FAF1: variants seen among roughly 807,000 people sequenced by gnomAD.
The protein encoded by FAF1 is Fas associated factor 1.
Under a neutral mutation model 92.5 loss-of-function variants are expected in FAF1, and 25 were observed. The observed-to-expected ratio is 0.27, with a 90% confidence interval of 0.20 to 0.38. The LOEUF (loss-of-function observed/expected upper bound fraction) is 0.38. Among genes scored for constraint, FAF1 ranks in the 10% least tolerant of loss-of-function variants. FAF1 has a pLI of 1.00. For missense variants in FAF1, 636 were observed against 793.3 expected, an observed-to-expected ratio of 0.80 and a Z score of 2.38; for synonymous variants, 234 against 273.2, an observed-to-expected ratio of 0.86 and a Z score of 1.42.
intron 1 of FAF1, among the ~76,000 whole-genome samples, chr1:50,931,353 T>C (rs1294925398): frequency 6.6e-6 from 1 of 152,216 alleles, no homozygotes; most frequent in African/African-American, 2.4e-5. Context: ...AGCATATGTA[T>C]TAGTTTGTTT....
Position 50,818,319 on chromosome 1 carries a change from G to A in FAF1, c.115-16642C>T, listed in dbSNP as rs59885358. 7.7e-3 allele frequency among the ~76,000 whole-genome samples: 1,177 copies of A among 152,218 alleles called. 13 individuals carry two copies. Among genetic ancestry groups the A allele is most frequent in the African/African-American group, 0.027 (1,137 of 41,524 alleles). On this transcript the variant is annotated intron_variant, in intron 2 of 18. Transcript: ENST00000396153. ...GAATGTAAAATGGTGCAGCTACTTT[G>A]GAAACAGCATGGCAGTTTCATATAA...
At chr1:50,663,998 CT>C (rs555597172) in intron 7 of FAF1, among the ~76,000 whole-genome samples, 36,455 of 128,606 alleles carry the variant, frequency 0.28, 4,976 homozygotes, top group Middle Eastern at 0.47. Context: ...ATCTGTTAAT[CT>C]TTTTTTTTTT....
intron 2 of FAF1, among the ~76,000 whole-genome samples, chr1:50,845,118 T>C (rs1348767680): frequency 6.6e-6 from 1 of 152,110 alleles, no homozygotes; most frequent in African/African-American, 2.4e-5. Flanking sequence ...TGTTCTGTGA[T>C]TTAAGAAAAA....
At chr1:50,521,775 G>A (rs1334897722) in intron 15 of FAF1, among the ~76,000 whole-genome samples, 3 of 152,110 alleles carry the variant, frequency 2.0e-5, no homozygotes, top group African/African-American at 7.2e-5. Context: ...CATCAATTGT[G>A]TTCTGTCATT....
At chr1:50,564,416 A>G (rs1011951543) in intron 13 of FAF1, among the ~76,000 whole-genome samples, 1 of 152,060 alleles carries the variant, frequency 6.6e-6, no homozygotes, top group African/African-American at 2.4e-5. Flanking sequence ...CAAAACAACA[A>G]TCTTACTTGT....
Position 50,542,479 on chromosome 1 carries a change from C to A in FAF1, c.1269-2751G>T, listed in dbSNP as rs888663824. ...TAGAAGGAAAATAGATGGGGAAAAA[C>A]CAGTCATTTAAAGATAAAATGCATG... On this transcript the variant is annotated intron_variant, in intron 13 of 18. Transcript: ENST00000396153. Among the ~76,000 whole-genome samples, 50 of 152,120 alleles carry A rather than the reference C, an allele frequency of 3.3e-4. 1 individual carries two copies. The highest frequency in any genetic ancestry group is 1.2e-3 in the African/African-American group (50 of 41,428).
At position 50,650,386 on chromosome 1, in the gene FAF1, A is replaced by G. The variant is rs552549259; in HGVS notation, c.744+5056T>C. Among the ~76,000 whole-genome samples the G allele has an allele frequency of 3.3e-5, 5 of 151,986 alleles. No homozygotes were observed. In the South Asian group the frequency reaches 1.0e-3, roughly 32 times the overall value. ...ACTTTGGGAGGCCGAGGTGAGGATC[A>G]CTTGAGGCCAAGAGTTCGAGGCCAA... On this transcript the variant is annotated intron_variant, in intron 8 of 18. Coordinates refer to ENST00000396153, the MANE Select transcript of FAF1 (RefSeq NM_007051.3).
intron 18 of FAF1, chr1:50,461,423 A>C (rs1033206178): frequency 1.3e-5 from 2 of 152,130 alleles, no homozygotes; most frequent in African/African-American, 4.8e-5. Context: ...CAAAGTGTAT[A>C]CCTGTCATTC....
At chr1:50,688,753 G>C (rs575360318) in intron 7 of FAF1, among the ~76,000 whole-genome samples, 4 of 151,974 alleles carry the variant, frequency 2.6e-5, no homozygotes, top group Non-Finnish European at 4.4e-5. Flanking sequence ...CGGAGGTTGC[G>C]GTGAGCCGAG....
At chr1:50,696,616 C>T (rs536102145) in intron 7 of FAF1, among the ~76,000 whole-genome samples, 2 of 152,254 alleles carry the variant, frequency 1.3e-5, no homozygotes, top group African/African-American at 4.8e-5. Context: ...TAAATGGATA[C>T]CATATATCTC....
At chr1:50,445,471 A>C (rs1396094701) in intron 18 of FAF1, among the ~76,000 whole-genome samples, 1 of 152,238 alleles carries the variant, frequency 6.6e-6, no homozygotes, top group Non-Finnish European at 1.5e-5. Context: ...TGCTGAGAGT[A>C]GTTTCTATAT....
chr1:50,464,896 A>C (rs1427259429), intron 18 of FAF1, among the ~76,000 whole-genome samples: 1 of 152,240 alleles, frequency 6.6e-6, no homozygotes, highest in African/African-American at 2.4e-5. Flanking sequence ...CTCCAAGTAT[A>C]CAGAGGACAG....
intron 3 of FAF1, among the ~76,000 whole-genome samples, chr1:50,791,150 C>CA (rs1191131431): frequency 3.9e-5 from 6 of 151,950 alleles, no homozygotes; most frequent in Non-Finnish European, 7.4e-5. Context: ...TAATCTTGTA[C>CA]AAAAAAACAT....
chr1:50,899,873 C>CG (rs941890349), intron 1 of FAF1, among the ~76,000 whole-genome samples: 2 of 152,164 alleles, frequency 1.3e-5, no homozygotes, highest in African/African-American at 4.8e-5. Flanking sequence ...ATTTTCCCCC[C>CG]TACTACTAAG....
chr1:50,813,652 G>A (rs934280882), intron 2 of FAF1, among the ~76,000 whole-genome samples: 12 of 151,922 alleles, frequency 7.9e-5, no homozygotes, highest in South Asian at 4.2e-4. Flanking sequence ...TTGTAGAGAC[G>A]GAGTTTCACC....
intron 4 of FAF1, 101 bp downstream of exon 4, chr1:50,787,899 T>TC (rs1249898586): frequency 3.4e-5 from 32 of 939,340 alleles, no homozygotes; most frequent in Non-Finnish European, 4.9e-5. Flanking sequence ...TTGCTTTTTT[T>TC]CCCTTCTTGC....
chr1:50,839,611 G>C lies in FAF1; in HGVS notation c.114+18318C>G, dbSNP rs146690254. Among the ~76,000 whole-genome samples the C allele has an allele frequency of 4.6e-3, 698 of 152,242 alleles. 2 individuals carry two copies. The highest frequency in any genetic ancestry group is 0.011 in the South Asian group (55 of 4,832). ...AGCAAGAGTGAGGTGTTCTACACAA[G>C]GAGACTTATGACCTGTCAGGTCCTT... On this transcript the variant is annotated intron_variant, in intron 2 of 18. Coordinates refer to ENST00000396153, the MANE Select transcript of FAF1 (RefSeq NM_007051.3).
chr1:50,957,390 C>T (rs1010054220), intron 1 of FAF1, among the ~76,000 whole-genome samples: 4 of 124,912 alleles, frequency 3.2e-5, no homozygotes, highest in Non-Finnish European at 4.7e-5. Flanking sequence ...CTCGCTCTGT[C>T]GCCCAGGCTA....
At chr1:50,940,948 T>TACA (rs1304254352) in intron 1 of FAF1, among the ~76,000 whole-genome samples, 2 of 151,934 alleles carry the variant, frequency 1.3e-5, no homozygotes, top group African/African-American at 4.8e-5. Context: ...ACCATAAAGC[T>TACA]ACAATAAATT....
Sources: allele counts gnomAD v4.1 joint callset (sites outside exome capture counted in the v4.1 genomes callset), GRCh38; gene constraint gnomAD v4.1.1; transcripts MANE v1.5; gene names NCBI Gene and HGNC (gene_info 2026-07-23, HGNC 2026-07-21).